The following SEPTIN10 variants were observed in gnomAD, a reference collection of about 807,000 sequenced individuals.
SEPTIN10 encodes the protein septin 10, also known as septin-10.
In SEPTIN10, 66 loss-of-function variants were observed where a neutral mutation model predicts 54.8. The observed-to-expected ratio is 1.21, with a 90% CI of 0.99 to 1.48. The LOEUF (loss-of-function observed/expected upper bound fraction) is 1.48, where lower values mean the gene tolerates loss of function less well. Among genes scored for constraint, SEPTIN10 ranks in the 40% most tolerant of loss-of-function variants. SEPTIN10 has a pLI of 0.00. For synonymous variants in SEPTIN10, 161 were observed against 181.0 expected (o/e 0.89, Z 0.89); for missense variants, 620 against 545.6 (o/e 1.14, Z -1.36).
At chr2:109,554,523 C>T (rs1343154783) in intron 8 of SEPTIN10, among the ~76,000 whole-genome samples, 1 of 152,158 alleles carries the variant, frequency 6.6e-6, no homozygotes, top group African/African-American at 2.4e-5. Context: ...CACACCACCC[C>T]CACCCAACTC....
chr2:109,599,932 G>A (rs760458314), intron 1 of SEPTIN10, among the ~76,000 whole-genome samples: 1 of 152,092 alleles, frequency 6.6e-6, no homozygotes, highest in Non-Finnish European at 1.5e-5. Context: ...ACACTACAAC[G>A]AACTTCCTCT....
At chr2:109,599,993 T>A (rs2106128327) in intron 1 of SEPTIN10, among the ~76,000 whole-genome samples, 1 of 152,284 alleles carries the variant, frequency 6.6e-6, no homozygotes, top group Non-Finnish European at 1.5e-5. Context: ...AAGCAATACC[T>A]AGTCCTGTGG....
At chr2:109,551,794 A>G (rs974536494) in intron 9 of SEPTIN10, among the ~76,000 whole-genome samples, 1 of 152,188 alleles carries the variant, frequency 6.6e-6, no homozygotes, top group African/African-American at 2.4e-5. Context: ...TTACAGATTA[A>G]CTCTTCAAGA....
intron 1 of SEPTIN10, among the ~76,000 whole-genome samples, chr2:109,596,155 C>T (rs1000113076): frequency 3.3e-5 from 5 of 152,076 alleles, no homozygotes; most frequent in African/African-American, 9.7e-5. Context: ...CCTCAGTTTC[C>T]GAAACAGCTG....
intron 1 of SEPTIN10, among the ~76,000 whole-genome samples, chr2:109,601,769 A>T (rs1250636478): frequency 6.6e-6 from 1 of 152,056 alleles, no homozygotes; most frequent in Non-Finnish European, 1.5e-5. Context: ...TGAAGTTAAA[A>T]AAAAAAAAAG....
rs369821701 is a variant in SEPTIN10, at chr2:109,574,894, AT to A, written c.414-128del. On this transcript the variant is annotated intron_variant, in intron 4 of 10. Coordinates refer to ENST00000397712, the MANE Select transcript of SEPTIN10 (RefSeq NM_144710.5). ...AACAGTTAATATCTATGCTGAACAG[AT>A]TAACTTTAGTGATAAAAAAATGTGC... is the stretch of plus-strand genomic sequence containing the variant. 205 of 551,092 alleles carry A rather than the reference AT, an allele frequency of 3.7e-4. 2 individuals carry two copies. The highest frequency in any genetic ancestry group is 3.6e-3 in the African/African-American group (182 of 51,264). 34.1% of individuals were successfully genotyped at this position (551,092 alleles called of 1,614,324 possible).
intron 2 of SEPTIN10, among the ~76,000 whole-genome samples, chr2:109,592,161 G>T (rs1461076251): frequency 1.3e-5 from 2 of 151,860 alleles, no homozygotes; most frequent in Non-Finnish European, 2.9e-5. Context: ...ACATTCTGCA[G>T]TGTGCTCAAA....
At chr2:109,611,532 A>T (rs1699249165) in intron 1 of SEPTIN10, among the ~76,000 whole-genome samples, 1 of 152,170 alleles carries the variant, frequency 6.6e-6, no homozygotes, top group Non-Finnish European at 1.5e-5. Context: ...CTGAGACGGG[A>T]GGATCGCTTG....
In SEPTIN10 at chr2:109,564,462, C is replaced by A. The variant is rs376222124; in HGVS notation, c.932G>T (p.Arg311Leu). The A allele has an allele frequency of 5.1e-5, 81 of 1,593,086 alleles. 1 individual carries two copies. Among genetic ancestry groups the A allele is most frequent in the Admixed American group, 1.9e-4 (11 of 58,898 alleles). Residue 311 changes from arginine to leucine, a missense_variant, in exon 8 of 11, where the codon CGA (arginine) becomes CTA (leucine). By Grantham distance (102) the Arg-to-Leu change is moderately radical. Transcript: ENST00000397712. ...ATAGTGCCTGGTATGGGTCTGCTCT[C>A]GCAGGTCCTCCATATTTGTACAAAT... ...MLICTNMEDL[R>L]EQTHTRHYEL...
At chr2:109,596,036 T>C (rs1335777893) in intron 1 of SEPTIN10, among the ~76,000 whole-genome samples, 1 of 152,144 alleles carries the variant, frequency 6.6e-6, no homozygotes, top group Admixed American at 6.6e-5. Flanking sequence ...AAGTTTAATA[T>C]TTATTTTATT....
chr2:109,558,620 G>A (rs180973687), intron 8 of SEPTIN10, among the ~76,000 whole-genome samples: 4 of 152,220 alleles, frequency 2.6e-5, no homozygotes, highest in East Asian at 3.9e-4. Context: ...CGTGGGCCTC[G>A]TGACAAGCCT....
At chr2:109,574,475 A>G in intron 5 of SEPTIN10, 106 bp downstream of exon 5, 2 of 669,746 alleles carry the variant, frequency 3.0e-6, no homozygotes, top group East Asian at 3.5e-5. Context: ...AATTTAAAAA[A>G]GATGCACAGG....
chr2:109,603,081 C>CA (rs879546621), intron 1 of SEPTIN10, among the ~76,000 whole-genome samples: 52 of 149,884 alleles, frequency 3.5e-4, no homozygotes, highest in Admixed American at 1.4e-3. Flanking sequence ...AAAAACAAAA[C>CA]AAAAAAAACA....
intron 5 of SEPTIN10, among the ~76,000 whole-genome samples, chr2:109,568,266 A>G (rs528355559): frequency 6.6e-5 from 10 of 152,148 alleles, no homozygotes; most frequent in Admixed American, 5.2e-4. Flanking sequence ...GTGTATTCTC[A>G]GCCTGGCCCT....
chr2:109,562,973 C>T (rs1228727515), intron 8 of SEPTIN10, among the ~76,000 whole-genome samples: 4 of 151,640 alleles, frequency 2.6e-5, no homozygotes, highest in East Asian at 1.9e-4. Context: ...TGCAGTGGCA[C>T]GATCTCAGCT....
chr2:109,570,725 T>C (rs1186578927), intron 5 of SEPTIN10, among the ~76,000 whole-genome samples: 1 of 151,990 alleles, frequency 6.6e-6, no homozygotes, highest in Non-Finnish European at 1.5e-5. Context: ...GGTTTCACTG[T>C]GTTGGCCAGG....
intron 9 of SEPTIN10, among the ~76,000 whole-genome samples, chr2:109,548,866 A>G (rs1682082475): frequency 6.6e-6 from 1 of 151,900 alleles, no homozygotes. Flanking sequence ...CCAGAGAGCT[A>G]AACTCTGGTC....
At chr2:109,611,589 C>A (rs929344119) in intron 1 of SEPTIN10, among the ~76,000 whole-genome samples, 9 of 151,430 alleles carry the variant, frequency 5.9e-5, no homozygotes, top group Admixed American at 5.9e-4. Flanking sequence ...CACACCCCTG[C>A]CTCTACAAAA....
At chr2:109,579,289 T>A (rs1249299766) in intron 4 of SEPTIN10, among the ~76,000 whole-genome samples, 2 of 152,144 alleles carry the variant, frequency 1.3e-5, no homozygotes, top group Non-Finnish European at 1.5e-5. Flanking sequence ...ACTCAAAATC[T>A]TCTTAGAAAA....
Sources: allele counts gnomAD v4.1 joint callset (sites outside exome capture counted in the v4.1 genomes callset), GRCh38; gene constraint gnomAD v4.1.1; transcripts MANE v1.5; gene names NCBI Gene and HGNC (gene_info 2026-07-23, HGNC 2026-07-21).